NBAS: variants seen among roughly 807,000 people sequenced by gnomAD.
NBAS encodes NAG/BC035112 fusion.
Under a neutral mutation model 302.5 loss-of-function variants are expected in NBAS, and 219 were observed. The observed-to-expected ratio is 0.72, with a 90% CI of 0.65 to 0.81. NBAS has a LOEUF of 0.81. Ranked by LOEUF, NBAS falls within the 30% of genes least tolerant of loss-of-function variation. The pLI is 0.00. For missense variants in NBAS, 2,932 were observed against 2,841.6 expected (o/e 1.03, Z -0.72); for synonymous variants, 1,118 against 1,021.6 (o/e 1.09, Z -1.80).
chr2:14,984,296 T>A, the NBAS span, among the ~76,000 whole-genome samples: 1 of 152,146 alleles, frequency 6.6e-6, no homozygotes, highest in Non-Finnish European at 1.5e-5. Flanking sequence ...TACCTCCTTA[T>A]GGGCACTGAG....
intron 21 of NBAS, among the ~76,000 whole-genome samples, chr2:15,432,754 A>G (rs1677826567): frequency 6.6e-6 from 1 of 152,228 alleles, no homozygotes; most frequent in African/African-American, 2.4e-5. Context: ...ATGTATAACT[A>G]CACTGTGGTT....
At chr2:14,956,981 G>C in the NBAS span, among the ~76,000 whole-genome samples, 1 of 152,176 alleles carries the variant, frequency 6.6e-6, no homozygotes, top group Non-Finnish European at 1.5e-5. Context: ...GAAGTCATCA[G>C]GGTAGTCCCT....
At chr2:15,503,085 A>C (rs191812283) in intron 11 of NBAS, among the ~76,000 whole-genome samples, 2 of 152,316 alleles carry the variant, frequency 1.3e-5, no homozygotes, top group Admixed American at 6.5e-5. Context: ...GGTCAGGATC[A>C]TCAATATCAC....
the NBAS span, among the ~76,000 whole-genome samples, chr2:14,865,093 C>T: frequency 5.9e-5 from 9 of 152,194 alleles, no homozygotes; most frequent in Admixed American, 2.0e-4. Context: ...TAGAAACTAC[C>T]GCCTTCTGTT....
chr2:15,070,724 A>G, the NBAS span, among the ~76,000 whole-genome samples: 6 of 152,332 alleles, frequency 3.9e-5, no homozygotes, highest in East Asian at 1.2e-3. Context: ...AGGACCCCAC[A>G]CAACCATCAC....
chr2:15,201,697 T>C (rs1465851263), intron 48 of NBAS, among the ~76,000 whole-genome samples: 1 of 152,238 alleles, frequency 6.6e-6, no homozygotes, highest in Non-Finnish European at 1.5e-5. Flanking sequence ...TATCAAAGTA[T>C]GGAAAATCAT....
At chr2:15,227,454 C>G (rs1278171671) in intron 47 of NBAS, among the ~76,000 whole-genome samples, 1 of 151,840 alleles carries the variant, frequency 6.6e-6, no homozygotes, top group Non-Finnish European at 1.5e-5. Context: ...AATGCAATCC[C>G]TATCAAAATA....
chr2:14,818,635 C>T, the NBAS span, among the ~76,000 whole-genome samples: 1 of 152,130 alleles, frequency 6.6e-6, no homozygotes, highest in African/African-American at 2.4e-5. Flanking sequence ...GGTGTTTAAT[C>T]ATTTTGATTA....
chr2:15,434,444 G>A (rs927956066), intron 21 of NBAS, among the ~76,000 whole-genome samples: 1 of 152,092 alleles, frequency 6.6e-6, no homozygotes, highest in African/African-American at 2.4e-5. Flanking sequence ...AAAGTCACCA[G>A]GAAAGAAAGG....
the NBAS span, among the ~76,000 whole-genome samples, chr2:15,148,991 A>T: frequency 6.6e-6 from 1 of 152,156 alleles, no homozygotes; most frequent in African/African-American, 2.4e-5. Flanking sequence ...AAACCTTTTG[A>T]TATTTGCCTT....
At chr2:14,964,825 C>T in the NBAS span, among the ~76,000 whole-genome samples, 1 of 152,090 alleles carries the variant, frequency 6.6e-6, no homozygotes, top group African/African-American at 2.4e-5. Flanking sequence ...GGATTTAAGT[C>T]ACACAAAGTA....
the NBAS span, among the ~76,000 whole-genome samples, chr2:14,874,857 A>G: frequency 6.6e-6 from 1 of 152,070 alleles, no homozygotes; most frequent in Admixed American, 6.5e-5. Context: ...GCAGTCATAA[A>G]TAAATAATAT....
chr2:15,011,074 G>A, the NBAS span, among the ~76,000 whole-genome samples: 16 of 152,208 alleles, frequency 1.1e-4, no homozygotes, highest in East Asian at 3.9e-4. Context: ...CAATTGTTGC[G>A]GTATTGTGGG....
chr2:15,060,779 C>A, the NBAS span, among the ~76,000 whole-genome samples: 1 of 152,080 alleles, frequency 6.6e-6, no homozygotes, highest in Non-Finnish European at 1.5e-5. Flanking sequence ...TATCATAATC[C>A]TCCCTTCAGA....
At chr2:15,016,375 G>A in the NBAS span, among the ~76,000 whole-genome samples, 1 of 152,024 alleles carries the variant, frequency 6.6e-6, no homozygotes, top group Non-Finnish European at 1.5e-5. Context: ...AGTTTGGTTG[G>A]GGACACAGAC....
rs1370959020 is a variant in NBAS, at chr2:15,327,796, T to G, written c.4536A>C (p.Lys1512Asn). Residue 1512 changes from lysine (K) to asparagine (N), a missense_variant, in exon 38 of 52, where the codon AAA becomes AAC. By Grantham distance (94) the Lys-to-Asn change is moderately conservative. Coordinates refer to ENST00000281513, the MANE Select transcript of NBAS (RefSeq NM_015909.4). The part of the protein sequence containing the change: ...SFAEVLLRTG[K>N]LAEAKNKGEV... ...CTCCTTTATTTTTAGCCTCTGCCAATTTTCCAGTTCTCAGCAATACTTCTG... is the reference window on the plus strand; with the variant it reads ...CTCCTTTATTTTTAGCCTCTGCCAAGTTTCCAGTTCTCAGCAATACTTCTG... 1 of 1,613,798 alleles carries G rather than the reference T, an allele frequency of 6.2e-7. No individual in the cohort carries two copies. The highest frequency in any genetic ancestry group is 2.2e-5 in the East Asian group (1 of 44,836).
intron 51 of NBAS, among the ~76,000 whole-genome samples, chr2:15,176,647 A>T (rs911511892): frequency 6.6e-6 from 1 of 152,198 alleles, no homozygotes; most frequent in Non-Finnish European, 1.5e-5. Flanking sequence ...CATTATACTT[A>T]CTTGTTGAGT....
intron 51 of NBAS, among the ~76,000 whole-genome samples, chr2:15,172,718 T>C (rs920905493): frequency 3.3e-5 from 5 of 152,324 alleles, no homozygotes; most frequent in East Asian, 1.9e-4. Context: ...TCTGTCATTT[T>C]TGGATGCGGT....
At chr2:14,885,812 T>C in the NBAS span, among the ~76,000 whole-genome samples, 25,351 of 152,044 alleles carry the variant, frequency 0.17, 4,645 homozygotes, top group African/African-American at 0.46. Context: ...ATGACAATGT[T>C]TTGGAATATC....
Sources: gnomAD v4.1 joint callset for allele counts (sites outside exome capture counted in the v4.1 genomes callset) on GRCh38, gnomAD v4.1.1 for gene constraint, MANE v1.5 for transcripts, NCBI Gene and HGNC (gene_info 2026-07-23, HGNC 2026-07-21) for gene names.